SERPINB8: variants seen among roughly 807,000 people sequenced by gnomAD.
The protein encoded by SERPINB8 is serpin family B member 8.
SERPINB8 carries 25 observed loss-of-function variants against 35.3 expected under a neutral mutation model. That is an observed-to-expected ratio of 0.71 (90% confidence interval 0.52 to 0.99). The LOEUF is 0.99. Among genes scored for constraint, SERPINB8 ranks in the 50% least tolerant of loss-of-function variants. The pLI, the probability that SERPINB8 is intolerant of heterozygous loss-of-function variation, is 0.00. For synonymous variants in SERPINB8, 186 were observed against 160.8 expected, an observed-to-expected ratio of 1.16 and a Z score of -1.19; for missense variants, 484 against 446.5, an observed-to-expected ratio of 1.08 and a Z score of -0.76.
chr18:64,006,035 C>T (rs1023331222), downstream of SERPINB8, among the ~76,000 whole-genome samples: 7 of 152,108 alleles, frequency 4.6e-5, no homozygotes, highest in African/African-American at 1.7e-4. Context: ...AGGAAAGAGT[C>T]CTGCATTGAA....
At position 63,988,248 on chromosome 18, in the gene SERPINB8, A is replaced by G. The variant is rs1193988680; in HGVS notation, c.*970A>G. The G allele has an allele frequency of 6.6e-6, 1 of 152,180 alleles. No individual in the cohort carries two copies. Among genetic ancestry groups the G allele is most frequent in the African/African-American group, 2.4e-5 (1 of 41,446 alleles). The allele number at this position is 152,180 out of a possible 1,614,324, so 9.4% of individuals were successfully genotyped here. ...AAGCATTTTACTACAAGTTAATCATATCCTTCAGTAGCTTATTTCTTCCCT... is the reference window on the plus strand; with the variant it reads ...AAGCATTTTACTACAAGTTAATCATGTCCTTCAGTAGCTTATTTCTTCCCT... On this transcript the variant is annotated 3_prime_UTR_variant, in exon 7 of 7. Transcript: ENST00000397985.
rs191161322 is a variant in SERPINB8 at position 63,979,078 on chromosome 18, T to A, written c.168+602T>A. 1.1e-3 allele frequency among the ~76,000 whole-genome samples: 164 copies of A among 152,334 alleles called. 1 individual carries two copies. The highest frequency in any genetic ancestry group is 3.4e-3 in the Middle Eastern group (1 of 294). On this transcript the variant is annotated intron_variant, in intron 2 of 6. Coordinates refer to ENST00000397985, the MANE Select transcript of SERPINB8 (RefSeq NM_002640.4). ...GAAGATGTCCCAGATAATTGCCAAA[T>A]GGATATCATTTTGCCACCAATATCA... is the stretch of plus-strand genomic sequence containing the variant.
chr18:64,002,555 A>G (rs1467462739), intron 1 of SERPINB8, among the ~76,000 whole-genome samples: 1 of 152,156 alleles, frequency 6.6e-6, no homozygotes, highest in Non-Finnish European at 1.5e-5. Flanking sequence ...TAATTTCAAG[A>G]CACTTTCCCT....
In SERPINB8 at chr18:63,978,297, A is replaced by T. The variant is rs1357293876; in HGVS notation, c.-10-2A>T. 2.5e-6 allele frequency: 4 copies of T among 1,614,054 alleles called. No homozygotes were observed. The Admixed American group carries it at 5.0e-5, about 20-fold the overall frequency. On this transcript the variant is annotated splice_acceptor_variant, in intron 1 of 6. Coordinates refer to ENST00000397985, the MANE Select transcript of SERPINB8 (RefSeq NM_002640.4). LOFTEE classifies it low-confidence loss of function (5UTR_SPLICE). ...CTTTTCCCTGCTGTGCCTTTGATGC[A>T]GACCTTCTCTGATGGATGACCTCTG...
intron 1 of SERPINB8, among the ~76,000 whole-genome samples, chr18:64,003,883 C>T (rs754908361): frequency 6.6e-6 from 1 of 152,110 alleles, no homozygotes. Context: ...TCAGTCTCAC[C>T]CAGAAACACC....
intron 1 of SERPINB8, among the ~76,000 whole-genome samples, chr18:63,972,282 A>C (rs2050497131): frequency 6.6e-6 from 1 of 152,092 alleles, no homozygotes; most frequent in Admixed American, 6.5e-5. Context: ...GATTTAGTTT[A>C]GCCTGGTTTT....
intron 1 of SERPINB8, 68 bp from the exon 2 acceptor site, chr18:63,978,231 G>GA: frequency 6.5e-7 from 1 of 1,550,300 alleles, no homozygotes; most frequent in Non-Finnish European, 8.9e-7. Context: ...CTGACTGGGG[G>GA]ATGAATGACT....
intron 1 of SERPINB8, among the ~76,000 whole-genome samples, chr18:63,975,712 A>C (rs2050570662): frequency 6.6e-6 from 1 of 152,206 alleles, no homozygotes; most frequent in Non-Finnish European, 1.5e-5. Flanking sequence ...TTAAAAAAAT[A>C]TATAAGCTCA....
downstream of SERPINB8, among the ~76,000 whole-genome samples, chr18:63,990,622 C>T (rs1313696092): frequency 3.3e-5 from 5 of 151,864 alleles, no homozygotes; most frequent in African/African-American, 4.8e-5. Context: ...CCCATTAACT[C>T]GTCATTTAAC....
exon 8 of SERPINB8, chr18:64,019,095 G>A (rs1159161912): frequency 1.3e-5 from 2 of 152,112 alleles, no homozygotes; most frequent in African/African-American, 4.8e-5. Context: ...ATGTCTGCAG[G>A]CATTTCACAC....
chr18:63,988,272 C>T lies in SERPINB8; in HGVS notation c.*994C>T, dbSNP rs2050792091. 6.6e-6 allele frequency: 1 copy of T among 152,080 alleles called. No homozygotes were observed. The highest frequency in any genetic ancestry group is 2.4e-5 in the African/African-American group (1 of 41,398). 9.4% of individuals were successfully genotyped at this position (152,080 alleles called of 1,614,324 possible). A position where few individuals can be genotyped will look rare whatever the true frequency, so the allele number is the denominator to read the frequency against. On this transcript the variant is annotated 3_prime_UTR_variant, in exon 7 of 7. Coordinates refer to ENST00000397985, the MANE Select transcript of SERPINB8 (RefSeq NM_002640.4). The stretch of plus-strand genomic sequence containing the variant: ...TATCCTTCAGTAGCTTATTTCTTCC[C>T]TTATGAAAAACCTCCCTTAAGATCT...
downstream of SERPINB8, among the ~76,000 whole-genome samples, chr18:64,009,684 G>A (rs1002644413): frequency 5.9e-5 from 9 of 152,282 alleles, no homozygotes; most frequent in Admixed American, 3.3e-4. Flanking sequence ...CATTTATGCC[G>A]GAAGCTGCAA....
rs2050577433 is a variant in SERPINB8 at position 63,976,090 on chromosome 18, AGCATATTTTTC to A, written c.-10-2208_-10-2198del. 4.6e-5 allele frequency among the ~76,000 whole-genome samples: 7 copies of A among 152,312 alleles called. No individual in the cohort carries two copies. The South Asian group carries it at 1.5e-3, about 32-fold the overall frequency. On this transcript the variant is annotated intron_variant, in intron 1 of 6. Coordinates refer to ENST00000397985, the MANE Select transcript of SERPINB8 (RefSeq NM_002640.4). ...CTCATTTGCTAATTTTCCAAACTGG[AGCATATTTTTC>A]TTGTTTGACTACATTTTTCAGTTAA...
At chr18:63,999,844 C>T (rs1419819735) in intron 1 of SERPINB8, among the ~76,000 whole-genome samples, 1 of 152,168 alleles carries the variant, frequency 6.6e-6, no homozygotes, top group East Asian at 1.9e-4. Context: ...ACTTGGAGGG[C>T]TTACCGGGTG....
chr18:63,983,582 A>T lies in SERPINB8; in HGVS notation c.428A>T (p.Lys143Met). The stretch of plus-strand genomic sequence containing the variant: ...TAAACTCTCATATTCTTTATAGGTA[A>T]GATTTCAGAGGTACTGGATGCTGGG... ...NDWVAEKTEG[K>M]ISEVLDAGTV... The change falls in exon 5 of 7, where the codon AAG becomes ATG. Residue 143 changes from lysine (K) to methionine (M), a missense_variant. Transcript: ENST00000397985. The T allele has an allele frequency of 6.2e-7, 1 of 1,613,428 alleles. No homozygotes were observed. The highest frequency in any genetic ancestry group is 8.5e-7 in the Non-Finnish European group (1 of 1,179,588).
intron 1 of SERPINB8, among the ~76,000 whole-genome samples, chr18:63,995,661 A>G (rs1429771604): frequency 6.6e-6 from 1 of 152,176 alleles, no homozygotes; most frequent in Non-Finnish European, 1.5e-5. Context: ...AGTGTACCCA[A>G]TTACTGTCGC....
chr18:63,998,612 C>G (rs1390157667), intron 1 of SERPINB8, among the ~76,000 whole-genome samples: 1 of 152,206 alleles, frequency 6.6e-6, no homozygotes, highest in Non-Finnish European at 1.5e-5. Flanking sequence ...GGCTATCTGT[C>G]TCTTTCCCTC....
chr18:64,011,406 A>C (rs765866415), intron 7 of SERPINB8, among the ~76,000 whole-genome samples: 21 of 152,146 alleles, frequency 1.4e-4, no homozygotes, highest in Non-Finnish European at 2.9e-4. Flanking sequence ...TTCAAACTTT[A>C]ATATGCCTCT....
Position 63,977,964 on chromosome 18 carries a change from C to T in SERPINB8, c.-10-335C>T, listed in dbSNP as rs1367522949. The stretch of plus-strand genomic sequence containing the variant: ...AGGTTGCATTCCTTCATCAGTGGCC[C>T]CTATCCCTCTGACCTCTGCTTCCGT... On this transcript the variant is annotated intron_variant, in intron 1 of 6. Transcript: ENST00000397985. 2.6e-5 allele frequency among the ~76,000 whole-genome samples: 4 copies of T among 152,132 alleles called. No homozygotes were observed. The East Asian group carries it at 7.7e-4, about 29-fold the overall frequency.
Sources: allele counts gnomAD v4.1 joint callset (sites outside exome capture counted in the v4.1 genomes callset), GRCh38; gene constraint gnomAD v4.1.1; transcripts MANE v1.5; gene names NCBI Gene and HGNC (gene_info 2026-07-23, HGNC 2026-07-21).